The following SLC1A2 variants were observed in gnomAD, a reference collection of about 807,000 sequenced individuals.
The protein encoded by SLC1A2 is excitatory amino acid transporter 2.
A neutral mutation model predicts 48.8 loss-of-function variants in SLC1A2; 15 were observed. The ratio of observed to expected loss-of-function variants is 0.31; its 90% confidence interval spans 0.21 to 0.47. The LOEUF is 0.47. Ranked by LOEUF, SLC1A2 falls within the 20% of genes least tolerant of loss-of-function variation. The pLI, the probability that SLC1A2 is intolerant of heterozygous loss-of-function variation, is 0.99. For synonymous variants in SLC1A2, 279 were observed against 272.6 expected, an observed-to-expected ratio of 1.02 and a Z score of -0.23; for missense variants, 502 against 730.5, an observed-to-expected ratio of 0.69 and a Z score of 3.61.
intron 4 of SLC1A2, among the ~76,000 whole-genome samples, chr11:35,307,871 A>G (rs1446550193): frequency 6.6e-6 from 1 of 152,188 alleles, no homozygotes; most frequent in Non-Finnish European, 1.5e-5. Context: ...TAGCCTGGCC[A>G]CATGTACTCG....
intron 4 of SLC1A2, among the ~76,000 whole-genome samples, chr11:35,310,944 C>G (rs1321231137): frequency 6.6e-6 from 1 of 152,126 alleles, no homozygotes; most frequent in East Asian, 1.9e-4. Flanking sequence ...CATTTTGCAA[C>G]AGCCAGCAAA....
chr11:35,293,630 A>G (rs1227831901), intron 6 of SLC1A2, among the ~76,000 whole-genome samples: 1 of 152,154 alleles, frequency 6.6e-6, no homozygotes, highest in East Asian at 1.9e-4. Flanking sequence ...GAAGGCTGCT[A>G]CCTTATTAAA....
rs183896659 is a variant in SLC1A2, at chr11:35,387,580, A to G, written c.17+31370T>C. Among the ~76,000 whole-genome samples, 15 of 152,358 alleles carry G rather than the reference A, an allele frequency of 9.8e-5. 1 individual carries two copies. The highest frequency in any genetic ancestry group is 3.6e-4 in the African/African-American group (15 of 41,590). On this transcript the variant is annotated intron_variant, in intron 1 of 10. Transcript: ENST00000278379. Reference sequence around the variant, plus strand: ...AAAGTATTTGGTTGCCATGGTAACAACTGCAAGGCCTATTTGTTTTTTGTT... The same window carrying G: ...AAAGTATTTGGTTGCCATGGTAACAGCTGCAAGGCCTATTTGTTTTTTGTT...
chr11:35,395,833 C>G (rs1225318562), intron 1 of SLC1A2, among the ~76,000 whole-genome samples: 3 of 105,538 alleles, frequency 2.8e-5, no homozygotes, highest in Admixed American at 1.0e-4. Context: ...CCCCTCCCCC[C>G]ACCCCACAAC....
intron 7 of SLC1A2, among the ~76,000 whole-genome samples, chr11:35,290,888 T>C (rs11033054): frequency 0.26 from 39,270 of 152,048 alleles, 5,223 homozygotes; most frequent in Admixed American, 0.3. Context: ...TGTCTGAAAC[T>C]CCATTTTCTA....
chr11:35,385,776 G>A (rs1185095360), intron 1 of SLC1A2, among the ~76,000 whole-genome samples: 6 of 152,114 alleles, frequency 3.9e-5, no homozygotes, highest in Non-Finnish European at 7.3e-5. Flanking sequence ...TGAGCCTGCA[G>A]GTTCTCTGGG....
intron 6 of SLC1A2, among the ~76,000 whole-genome samples, chr11:35,299,870 G>C (rs551170147): frequency 6.6e-6 from 1 of 152,350 alleles, no homozygotes; most frequent in East Asian, 1.9e-4. Flanking sequence ...GGAACATGCA[G>C]AGATGGGGAA....
chr11:35,276,596 G>A (rs1850449288), intron 9 of SLC1A2, among the ~76,000 whole-genome samples: 1 of 152,148 alleles, frequency 6.6e-6, no homozygotes, highest in Non-Finnish European at 1.5e-5. Context: ...TGTTTCATTT[G>A]CTAACATTTA....
chr11:35,348,871 C>T (rs1305307400), intron 1 of SLC1A2, among the ~76,000 whole-genome samples: 68 of 125,508 alleles, frequency 5.4e-4, no homozygotes, highest in African/African-American at 1.3e-3. Context: ...CCAGCCTGGG[C>T]GACAGACCGA....
rs375902941 is a variant in SLC1A2, at chr11:35,284,706, G to A, written c.1286+2051C>T. 9.9e-5 allele frequency among the ~76,000 whole-genome samples: 15 copies of A among 152,258 alleles called. No individual in the cohort carries two copies. The South Asian group carries it at 3.1e-3, about 32-fold the overall frequency. ...GAGAAAGCTGTGTTTTAACAAAAAT[G>A]TCCTTGAGCTGGTTGAATACCTCAG... On this transcript the variant is annotated intron_variant, in intron 8 of 10. Coordinates refer to ENST00000278379, the MANE Select transcript of SLC1A2 (RefSeq NM_004171.4).
chr11:35,391,500 T>G (rs10768132), intron 1 of SLC1A2: 2 of 152,022 alleles, frequency 1.3e-5, no homozygotes, highest in Non-Finnish European at 2.9e-5. Flanking sequence ...ATCTCTACCC[T>G]GTGTGTACCT....
At chr11:35,317,247 G>T in intron 2 of SLC1A2, 130 bp downstream of exon 2, 1 of 873,496 alleles carries the variant, frequency 1.1e-6, no homozygotes, top group Non-Finnish European at 1.8e-6. Context: ...AGCCTGGGCA[G>T]ACAGGGCCCT....
intron 1 of SLC1A2, chr11:35,374,315 G>C (rs1300427475): frequency 5.7e-6 from 6 of 1,051,232 alleles, no homozygotes; most frequent in South Asian, 2.5e-5. Flanking sequence ...CTCCAGAAGA[G>C]TGGAAATGCC....
At chr11:35,338,159 G>T (rs12276318) in intron 1 of SLC1A2, among the ~76,000 whole-genome samples, 3 of 152,090 alleles carry the variant, frequency 2.0e-5, no homozygotes, top group African/African-American at 7.2e-5. Flanking sequence ...TTAGAACACA[G>T]CGAAGCCTAT....
At chr11:35,356,434 A>C (rs1212783417) in intron 1 of SLC1A2, among the ~76,000 whole-genome samples, 1 of 152,246 alleles carries the variant, frequency 6.6e-6, no homozygotes, top group Non-Finnish European at 1.5e-5. Context: ...GCGTTATGGC[A>C]GTGCACTTGG....
At position 35,260,483 on chromosome 11, in the gene SLC1A2, A is replaced by T. The variant is rs1432451376; in HGVS notation, c.*411T>A. ...CATAACAAGGCGAGACATGGAGAAC[A>T]CTTTAAGGAATAACACGCTGTGTGT... is the stretch of plus-strand genomic sequence containing the variant. On this transcript the variant is annotated 3_prime_UTR_variant, in exon 11 of 11. Coordinates refer to ENST00000278379, the MANE Select transcript of SLC1A2 (RefSeq NM_004171.4). 1 of 166,396 alleles carries T rather than the reference A, an allele frequency of 6.0e-6. No homozygotes were observed. The highest frequency in any genetic ancestry group is 5.7e-5 in the Admixed American group (1 of 17,566). 10.3% of individuals were successfully genotyped at this position (166,396 alleles called of 1,614,324 possible). A position where few individuals can be genotyped will look rare whatever the true frequency, so the allele number is the denominator to read the frequency against.
At chr11:35,317,849 T>C (rs1851934956) in intron 1 of SLC1A2, among the ~76,000 whole-genome samples, 1 of 152,068 alleles carries the variant, frequency 6.6e-6, no homozygotes, top group African/African-American at 2.4e-5. Context: ...AAAATAGAGA[T>C]CCAAATCCAG....
intron 1 of SLC1A2, among the ~76,000 whole-genome samples, chr11:35,368,085 A>G (rs985576801): frequency 6.6e-6 from 1 of 152,256 alleles, no homozygotes; most frequent in South Asian, 2.1e-4. Context: ...AGAAAGATTG[A>G]AAAAGAATTT....
intron 1 of SLC1A2, among the ~76,000 whole-genome samples, chr11:35,372,457 A>G (rs1027646375): frequency 2.6e-5 from 4 of 152,210 alleles, no homozygotes; most frequent in African/African-American, 9.6e-5. Flanking sequence ...GTATCTCTCA[A>G]GTACACACTC....
Sources: gnomAD v4.1 joint callset for allele counts (sites outside exome capture counted in the v4.1 genomes callset) on GRCh38, gnomAD v4.1.1 for gene constraint, MANE v1.5 for transcripts, NCBI Gene and HGNC (gene_info 2026-07-23, HGNC 2026-07-21) for gene names.